The following FNDC1 variants were observed in gnomAD, a reference collection of about 807,000 sequenced individuals.
FNDC1 encodes fibronectin type III domain-containing protein 1.
Under a neutral mutation model 168.0 loss-of-function variants are expected in FNDC1, and 96 were observed. The ratio of observed to expected loss-of-function variants is 0.57; its 90% confidence interval spans 0.48 to 0.68. FNDC1 has a LOEUF of 0.68. FNDC1 is among the 30% of genes least tolerant of loss of function. FNDC1 has a pLI of 0.00. For synonymous variants in FNDC1, 1,099 were observed against 1,025.9 expected (o/e 1.07, Z -1.36); for missense variants, 2,587 against 2,482.1 (o/e 1.04, Z -0.90).
intron 22 of FNDC1, 104 bp from the exon 23 acceptor site, chr6:159,271,223 A>G: frequency 2.7e-6 from 2 of 747,540 alleles, no homozygotes; most frequent in Non-Finnish European, 4.6e-6. Context: ...TGTCACAAGA[A>G]CAACTTATCA....
intron 16 of FNDC1, among the ~76,000 whole-genome samples, chr6:159,250,957 G>C (rs557666350): frequency 6.6e-6 from 1 of 152,200 alleles, no homozygotes; most frequent in African/African-American, 2.4e-5. Context: ...GGGTGGGCCT[G>C]ACTCACCCTT....
intron 1 of FNDC1, among the ~76,000 whole-genome samples, chr6:159,184,347 TA>T (rs1358713349): frequency 1.3e-5 from 2 of 152,238 alleles, no homozygotes; most frequent in African/African-American, 4.8e-5. Flanking sequence ...CTTCCTTAAA[TA>T]TTTTTTTCTA....
intron 14 of FNDC1, chr6:159,243,123 G>A (rs1484185459): frequency 1.3e-5 from 2 of 151,766 alleles, no homozygotes; most frequent in African/African-American, 4.8e-5. Context: ...GGATATCCAA[G>A]CAAGACCTTA....
intron 1 of FNDC1, among the ~76,000 whole-genome samples, chr6:159,173,089 A>G (rs1435793690): frequency 6.6e-6 from 1 of 152,238 alleles, no homozygotes; most frequent in Non-Finnish European, 1.5e-5. Flanking sequence ...AGTAAAGTCA[A>G]TAAGGATAGA....
rs117272691 is a variant in FNDC1, at chr6:159,208,690, T to A, written c.461-6255T>A. On this transcript the variant is annotated intron_variant, in intron 4 of 22. Coordinates refer to ENST00000297267, the MANE Select transcript of FNDC1 (RefSeq NM_032532.3). ...ATTTTGGGTGACATCCTGAAGCCAC[T>A]GCCATACCTGTGATTCTCAGGGCTT... Among the ~76,000 whole-genome samples, 297 of 152,304 alleles carry A rather than the reference T, an allele frequency of 2.0e-3. 4 individuals carry two copies. The East Asian group carries it at 0.045, about 23-fold the overall frequency.
chr6:159,245,292 G>A (rs1403806062), intron 14 of FNDC1, among the ~76,000 whole-genome samples: 2 of 152,260 alleles, frequency 1.3e-5, no homozygotes, highest in East Asian at 3.9e-4. Context: ...TAAGCTCAAT[G>A]TATCTCAAGC....
intron 4 of FNDC1, among the ~76,000 whole-genome samples, chr6:159,202,605 G>A (rs1005758574): frequency 1.3e-5 from 2 of 152,208 alleles, no homozygotes; most frequent in African/African-American, 4.8e-5. Flanking sequence ...GAAACCAGAG[G>A]AATATCCATT....
intron 19 of FNDC1, among the ~76,000 whole-genome samples, chr6:159,264,151 C>G (rs984176834): frequency 6.6e-6 from 1 of 152,164 alleles, no homozygotes; most frequent in South Asian, 2.1e-4. Context: ...TGCTTATACC[C>G]ATGAAGCCAT....
intron 22 of FNDC1, among the ~76,000 whole-genome samples, chr6:159,270,179 G>A (rs1777712214): frequency 6.6e-6 from 1 of 152,236 alleles, no homozygotes; most frequent in South Asian, 2.1e-4. Flanking sequence ...CTGCCTTTTG[G>A]TTAAAGAGCC....
rs1783165561 is a variant in FNDC1 at position 159,233,714 on chromosome 6, C to T, written c.3202C>T (p.Leu1068Phe). ...ASSRGMLPTALQNQDEDAQGS... is the reference protein window; with the variant it reads ...ASSRGMLPTAFQNQDEDAQGS... ...CTCCAGAGGGATGCTCCCCACGGCC[C>T]TCCAGAACCAGGACGAGGATGCCCA... is the stretch of plus-strand genomic sequence containing the variant. Residue 1068 changes from leucine (L) to phenylalanine (F), a missense_variant, in exon 11 of 23, where the codon CTC (leucine) becomes TTC (phenylalanine). By Grantham distance (22) the Leu-to-Phe change is conservative. Transcript: ENST00000297267. The surrounding 1 kb of genome is among the most constrained non-coding windows in gnomAD (Gnocchi z 4.6). 6.5e-7 allele frequency: 1 copy of T among 1,549,940 alleles called. No homozygotes were observed. The highest frequency in any genetic ancestry group is 8.7e-7 in the Non-Finnish European group (1 of 1,146,822).
chr6:159,258,792 T>C (rs1404205083), intron 18 of FNDC1, among the ~76,000 whole-genome samples: 3 of 152,200 alleles, frequency 2.0e-5, no homozygotes, highest in Non-Finnish European at 4.4e-5. Flanking sequence ...AGGACACTCA[T>C]TTTCCCCTGT....
chr6:159,232,203 G>A lies in FNDC1; in HGVS notation c.1691G>A (p.Arg564Gln), dbSNP rs1030896095. The change falls in exon 11 of 23, where the codon CGG becomes CAG. Residue 564 changes from arginine to glutamine, a missense_variant. By Grantham distance (43) the Arg-to-Gln change is conservative (BLOSUM62 1). Transcript: ENST00000297267. The surrounding 1 kb of genome is among the most constrained non-coding windows in gnomAD (Gnocchi z 4.9). ...CCCTCAGACACCCAAGACCAGAAACGGACCCTGAGGCCGCCAAGTAGACAC... is the reference window on the plus strand; with the variant it reads ...CCCTCAGACACCCAAGACCAGAAACAGACCCTGAGGCCGCCAAGTAGACAC... Reference protein sequence around the residue: ...MSPSDTQDQKRTLRPPSRHGH... With the variant: ...MSPSDTQDQKQTLRPPSRHGH... The A allele has an allele frequency of 1.9e-6, 3 of 1,613,434 alleles. No homozygotes were observed. The highest frequency in any genetic ancestry group is 1.7e-6 in the Non-Finnish European group (2 of 1,179,726).
chr6:159,190,115 G>T (rs1782101136), intron 1 of FNDC1, among the ~76,000 whole-genome samples: 1 of 152,176 alleles, frequency 6.6e-6, no homozygotes, highest in Admixed American at 6.5e-5. Context: ...TGAATCCAGG[G>T]CATCGCCTGA....
chr6:159,211,288 C>T (rs1326703686), intron 4 of FNDC1, among the ~76,000 whole-genome samples: 1 of 152,160 alleles, frequency 6.6e-6, no homozygotes, highest in Non-Finnish European at 1.5e-5. Flanking sequence ...CTCTTCAAGG[C>T]TGTAGATGGA....
At position 159,233,054 on chromosome 6, in the gene FNDC1, T is replaced by C. The variant is rs1783135989; in HGVS notation, c.2542T>C (p.Ser848Pro). The change falls in exon 11 of 23, where the codon TCC (serine) becomes CCC (proline). Residue 848 changes from serine (S) to proline (P), a missense_variant. Coordinates refer to ENST00000297267, the MANE Select transcript of FNDC1 (RefSeq NM_032532.3). This position sits in a 1 kb window ranked among gnomAD's most constrained non-coding sequence, Gnocchi z 4.6. ...GRGPRLQPSS[S>P]PQSTVPSRAH... ...GGGACCTCGGCTGCAGCCCTCCAGC[T>C]CCCCACAGTCGACTGTGCCCTCCCG... 1 of 1,610,084 alleles carries C rather than the reference T, an allele frequency of 6.2e-7. No homozygotes were observed. Among genetic ancestry groups the C allele is most frequent in the South Asian group, 1.1e-5 (1 of 90,058 alleles).
chr6:159,233,202 C>A lies in FNDC1; in HGVS notation c.2690C>A (p.Ser897Tyr), dbSNP rs770871387. The change falls in exon 11 of 23, where the codon TCC (serine) becomes TAC (tyrosine). Residue 897 changes from serine to tyrosine, a missense_variant. By Grantham distance (144) the Ser-to-Tyr change is moderately radical. Transcript: ENST00000297267. This position sits in a 1 kb window ranked among gnomAD's most constrained non-coding sequence, Gnocchi z 4.6. ...GTTGTCAATGACCACGTGCCTTCCTCCTCCAGGCAGCCCATCTCCCGGGGC... is the reference window on the plus strand; with the variant it reads ...GTTGTCAATGACCACGTGCCTTCCTACTCCAGGCAGCCCATCTCCCGGGGC... ...ATVVNDHVPS[S>Y]SRQPISRGWE... The A allele has an allele frequency of 1.2e-6, 2 of 1,612,970 alleles. No homozygotes were observed. Among genetic ancestry groups the A allele is most frequent in the South Asian group, 2.2e-5 (2 of 90,778 alleles).
At chr6:159,176,845 T>C (rs1781770703) in intron 1 of FNDC1, among the ~76,000 whole-genome samples, 1 of 152,202 alleles carries the variant, frequency 6.6e-6, no homozygotes, top group Admixed American at 6.5e-5. Flanking sequence ...TGGGGCTTCT[T>C]CTATATTTGC....
At chr6:159,195,441 T>C (rs1782223570) in intron 1 of FNDC1, among the ~76,000 whole-genome samples, 1 of 152,076 alleles carries the variant, frequency 6.6e-6, no homozygotes, top group Non-Finnish European at 1.5e-5. Context: ...TAAACAGCTC[T>C]GGAGGTCTTA....
At position 159,232,675 on chromosome 6, in the gene FNDC1, ACCC is replaced by A. The variant is rs749047272; in HGVS notation, c.2165_2167del (p.Pro722del). 1 of 1,612,840 alleles carries A rather than the reference ACCC, an allele frequency of 6.2e-7. No individual in the cohort carries two copies. Among genetic ancestry groups the A allele is most frequent in the Admixed American group, 1.7e-5 (1 of 59,932 alleles). On this transcript the variant is annotated inframe_deletion, in exon 11 of 23. Transcript: ENST00000297267. The surrounding 1 kb of genome is among the most constrained non-coding windows in gnomAD (Gnocchi z 4.9). ...CAGCCCCACCCTCAAGACTTTCTCC[ACCC>A]CATGGGGGATCATCTCGGCTGCTGC...
Sources: allele counts gnomAD v4.1 joint callset (sites outside exome capture counted in the v4.1 genomes callset), GRCh38; gene constraint gnomAD v4.1.1; non-coding constraint Gnocchi (gnomAD v3.1); transcripts MANE v1.5; gene names NCBI Gene and HGNC (gene_info 2026-07-23, HGNC 2026-07-21).